SORCS3: variants seen among roughly 807,000 people sequenced by gnomAD.
The protein encoded by SORCS3 is VPS10 domain-containing receptor SorCS3.
Under a neutral mutation model 146.3 loss-of-function variants are expected in SORCS3, and 57 were observed. That is an observed-to-expected ratio of 0.39 (90% CI 0.31 to 0.49). SORCS3 has a LOEUF of 0.49. SORCS3 is among the 20% of genes least tolerant of loss of function. The probability of loss-of-function intolerance (pLI) is 0.92; values close to 1 mark genes in which losing one functional copy is unlikely to be tolerated. For synonymous variants in SORCS3, 653 were observed against 618.5 expected, an observed-to-expected ratio of 1.06 and a Z score of -0.83; for missense variants, 1,341 against 1,575.5, an observed-to-expected ratio of 0.85 and a Z score of 2.52.
chr10:104,986,006 C>T (rs182587086), intron 4 of SORCS3, among the ~76,000 whole-genome samples: 63 of 152,278 alleles, frequency 4.1e-4, no homozygotes, highest in Non-Finnish European at 4.9e-4. Flanking sequence ...TCGTCAGCAG[C>T]GTTAGCCTGG....
At chr10:105,051,559 A>G (rs1589610165) in intron 5 of SORCS3, among the ~76,000 whole-genome samples, 1 of 152,144 alleles carries the variant, frequency 6.6e-6, no homozygotes, top group East Asian at 1.9e-4. Context: ...TATATTATCC[A>G]TGACAGAGCC....
chr10:104,965,432 C>T (rs558187921), intron 3 of SORCS3, among the ~76,000 whole-genome samples: 9 of 152,258 alleles, frequency 5.9e-5, no homozygotes, highest in African/African-American at 1.9e-4. Context: ...TTGGGTATTA[C>T]CCAGACGTGG....
At chr10:104,661,405 C>G (rs1440248712) in intron 1 of SORCS3, among the ~76,000 whole-genome samples, 1 of 152,138 alleles carries the variant, frequency 6.6e-6, no homozygotes, top group Non-Finnish European at 1.5e-5. Context: ...GCTCCACCAC[C>G]CTAACTTGTT....
chr10:104,810,780 G>T (rs947771237), intron 1 of SORCS3, among the ~76,000 whole-genome samples: 1 of 152,192 alleles, frequency 6.6e-6, no homozygotes, highest in Non-Finnish European at 1.5e-5. Flanking sequence ...TCTTTGCCTT[G>T]AGAACTATCT....
At position 104,915,948 on chromosome 10, in the gene SORCS3, A is replaced by G. The variant is rs2019022603; in HGVS notation, c.795+16A>G. ...CAAAAGGAAGGTAAGAGACTGGGTCAGTAGGTCCTGAGCACTCCTGCTGGG... is the reference window on the plus strand; with the variant it reads ...CAAAAGGAAGGTAAGAGACTGGGTCGGTAGGTCCTGAGCACTCCTGCTGGG... On this transcript the variant is annotated intron_variant, in intron 3 of 26. Coordinates refer to ENST00000369701, the MANE Select transcript of SORCS3 (RefSeq NM_014978.3). 6.3e-7 allele frequency: 1 copy of G among 1,599,464 alleles called. No individual in the cohort carries two copies. The highest frequency in any genetic ancestry group is 1.3e-5 in the African/African-American group (1 of 74,774).
chr10:105,031,385 CA>C (rs2055267055), intron 4 of SORCS3, among the ~76,000 whole-genome samples: 1 of 151,662 alleles, frequency 6.6e-6, no homozygotes, highest in African/African-American at 2.4e-5. Context: ...GTTTGTTTTA[CA>C]AATGTTTAGG....
intron 2 of SORCS3, among the ~76,000 whole-genome samples, chr10:104,860,555 A>G (rs2133560355): frequency 6.6e-6 from 1 of 152,078 alleles, no homozygotes; most frequent in East Asian, 1.9e-4. Context: ...TATACCCTAA[A>G]ACTTAAAGTA....
At chr10:104,722,916 T>C (rs1389972248) in intron 1 of SORCS3, among the ~76,000 whole-genome samples, 1 of 152,240 alleles carries the variant, frequency 6.6e-6, no homozygotes, top group Admixed American at 6.5e-5. Flanking sequence ...TTGTTGATTT[T>C]TTCAAAAAAC....
chr10:105,087,285 A>G (rs527323092), intron 5 of SORCS3, among the ~76,000 whole-genome samples: 6 of 152,132 alleles, frequency 3.9e-5, no homozygotes, highest in African/African-American at 9.7e-5. Flanking sequence ...CCATTGTTCT[A>G]TATATCTGTT....
At chr10:105,202,936 G>A in intron 16 of SORCS3, among the ~76,000 whole-genome samples, 1 of 152,190 alleles carries the variant, frequency 6.6e-6, no homozygotes, top group East Asian at 1.9e-4. Flanking sequence ...GGGAGGGGCA[G>A]GGCAATGATG....
intron 7 of SORCS3, among the ~76,000 whole-genome samples, chr10:105,106,296 G>A (rs1176812316): frequency 6.6e-6 from 1 of 152,164 alleles, no homozygotes; most frequent in Non-Finnish European, 1.5e-5. Flanking sequence ...AACTCCCTGA[G>A]TTGGCTCAGA....
intron 2 of SORCS3, among the ~76,000 whole-genome samples, chr10:104,910,986 A>C (rs1417044): frequency 0.012 from 1,769 of 152,368 alleles, 33 homozygotes; most frequent in African/African-American, 0.04. Flanking sequence ...ACCTAGTGTC[A>C]GGATTTGGGA....
intron 7 of SORCS3, among the ~76,000 whole-genome samples, chr10:105,126,585 G>A (rs887241275): frequency 1.3e-5 from 2 of 152,178 alleles, no homozygotes; most frequent in African/African-American, 2.4e-5. Context: ...GCACACATAT[G>A]TGCATGTGTG....
chr10:105,119,431 G>A (rs1325121414), intron 7 of SORCS3, among the ~76,000 whole-genome samples: 1 of 152,192 alleles, frequency 6.6e-6, no homozygotes, highest in Non-Finnish European at 1.5e-5. Context: ...CCCTACTGGG[G>A]CACTGCCTAG....
chr10:105,134,555 GAA>G (rs71022755), intron 7 of SORCS3, among the ~76,000 whole-genome samples: 5,241 of 130,484 alleles, frequency 0.04, 272 homozygotes, highest in African/African-American at 0.13. Flanking sequence ...GGACAAAAAG[GAA>G]AAAAAAAAAA....
intron 10 of SORCS3, among the ~76,000 whole-genome samples, chr10:105,158,510 T>A (rs976363965): frequency 6.6e-6 from 1 of 152,022 alleles, no homozygotes; most frequent in Non-Finnish European, 1.5e-5. Flanking sequence ...CCCTTACAAC[T>A]CCAAGAAGCA....
At chr10:105,222,117 G>T (rs2056707099) in intron 19 of SORCS3, among the ~76,000 whole-genome samples, 1 of 134,662 alleles carries the variant, frequency 7.4e-6, no homozygotes. Context: ...GGAGTGCAAT[G>T]GTGCGATTTT....
At chr10:104,826,902 T>A (rs146418991) in intron 1 of SORCS3, among the ~76,000 whole-genome samples, 1 of 152,344 alleles carries the variant, frequency 6.6e-6, no homozygotes, top group East Asian at 1.9e-4. Context: ...AAATCTTCTG[T>A]TGTCATTTCA....
chr10:104,927,029 T>A (rs1260900110), intron 3 of SORCS3, among the ~76,000 whole-genome samples: 2 of 152,240 alleles, frequency 1.3e-5, no homozygotes, highest in Admixed American at 6.5e-5. Flanking sequence ...AATTAGTCAC[T>A]TAGTGTACTT....
Sources: gnomAD v4.1 joint callset for allele counts (sites outside exome capture counted in the v4.1 genomes callset) on GRCh38, gnomAD v4.1.1 for gene constraint, MANE v1.5 for transcripts, NCBI Gene and HGNC (gene_info 2026-07-23, HGNC 2026-07-21) for gene names.